MDGA2: variants seen among roughly 807,000 people sequenced by gnomAD.
MDGA2 encodes the protein MAM domain-containing glycosylphosphatidylinositol anchor protein 2.
Under a neutral mutation model 117.8 loss-of-function variants are expected in MDGA2, and 40 were observed. The observed-to-expected ratio is 0.34, with a 90% CI of 0.26 to 0.44. The LOEUF is 0.44. Among genes scored for constraint, MDGA2 ranks in the 20% least tolerant of loss-of-function variants. The pLI is 1.00. For missense variants in MDGA2, 1,123 were observed against 1,250.6 expected (o/e 0.90, Z 1.54); for synonymous variants, 452 against 439.0 (o/e 1.03, Z -0.37).
chr14:47,384,679 G>GT (rs1418862807), intron 1 of MDGA2, among the ~76,000 whole-genome samples: 1 of 152,066 alleles, frequency 6.6e-6, no homozygotes, highest in African/African-American at 2.4e-5. Flanking sequence ...GCTTGGGTGG[G>GT]TGCCACAGTA....
intron 14 of MDGA2, among the ~76,000 whole-genome samples, chr14:46,872,281 C>G (rs1882036547): frequency 6.6e-6 from 1 of 151,904 alleles, no homozygotes; most frequent in Non-Finnish European, 1.5e-5. Flanking sequence ...TATACTATCA[C>G]TTTATTAATT....
intron 2 of MDGA2, among the ~76,000 whole-genome samples, chr14:47,272,145 GGAAA>G (rs1169209886): frequency 6.6e-6 from 1 of 152,050 alleles, no homozygotes; most frequent in African/African-American, 2.4e-5. Context: ...GGAAGACGAG[GGAAA>G]GGAAACAACT....
chr14:47,102,751 G>A (rs1419981781), intron 5 of MDGA2, among the ~76,000 whole-genome samples: 1 of 152,250 alleles, frequency 6.6e-6, no homozygotes, highest in African/African-American at 2.4e-5. Context: ...CATTAATTGG[G>A]AATTATTCTC....
chr14:46,894,307 C>T (rs1882995928), intron 10 of MDGA2, among the ~76,000 whole-genome samples: 1 of 152,032 alleles, frequency 6.6e-6, no homozygotes, highest in Non-Finnish European at 1.5e-5. Flanking sequence ...CCAGGCTACT[C>T]TTGTAATCTT....
chr14:47,069,581 A>C (rs1332264048), intron 6 of MDGA2, among the ~76,000 whole-genome samples: 1 of 152,220 alleles, frequency 6.6e-6, no homozygotes, highest in Non-Finnish European at 1.5e-5. Flanking sequence ...TTCAAACAGC[A>C]GTTGTAAAGT....
intron 3 of MDGA2, among the ~76,000 whole-genome samples, chr14:47,170,958 T>A (rs1313516087): frequency 6.6e-6 from 1 of 152,132 alleles, no homozygotes; most frequent in Non-Finnish European, 1.5e-5. Flanking sequence ...TAGAGCATCT[T>A]CTCATATACT....
At chr14:46,904,567 T>C (rs1883418222) in intron 10 of MDGA2, among the ~76,000 whole-genome samples, 1 of 152,122 alleles carries the variant, frequency 6.6e-6, no homozygotes, top group Non-Finnish European at 1.5e-5. Context: ...AATCCAGCCG[T>C]GAGCAACCTA....
At chr14:47,543,608 C>T (rs28528316) in intron 1 of MDGA2, among the ~76,000 whole-genome samples, 4 of 152,158 alleles carry the variant, frequency 2.6e-5, no homozygotes. Flanking sequence ...GTTAATGACC[C>T]TTGTTCTTGC....
chr14:47,570,735 C>T (rs1896003541), intron 1 of MDGA2, among the ~76,000 whole-genome samples: 1 of 152,126 alleles, frequency 6.6e-6, no homozygotes, highest in African/African-American at 2.4e-5. Context: ...CCCTTCCTTA[C>T]ACCTTATACA....
chr14:47,115,979 G>A (rs533020392), intron 5 of MDGA2, among the ~76,000 whole-genome samples: 8 of 152,024 alleles, frequency 5.3e-5, no homozygotes, highest in South Asian at 2.1e-4. Flanking sequence ...AACTGAAAAG[G>A]AACGAGTGAA....
intron 8 of MDGA2, among the ~76,000 whole-genome samples, chr14:47,009,967 C>G (rs368841021): frequency 1.3e-5 from 2 of 152,036 alleles, no homozygotes; most frequent in Non-Finnish European, 2.9e-5. Flanking sequence ...CCCTTACCCC[C>G]CTTTCCCAAC....
At chr14:46,961,510 CTTCA>C (rs1885806517) in intron 8 of MDGA2, among the ~76,000 whole-genome samples, 1 of 152,106 alleles carries the variant, frequency 6.6e-6, no homozygotes, top group South Asian at 2.1e-4. Flanking sequence ...ATAACGTATA[CTTCA>C]TTTATTCTTT....
intron 1 of MDGA2, among the ~76,000 whole-genome samples, chr14:47,555,323 TGA>T (rs1895662741): frequency 6.6e-6 from 1 of 152,122 alleles, no homozygotes; most frequent in Non-Finnish European, 1.5e-5. Context: ...TTATAAGAAC[TGA>T]GAGTGTGTGG....
intron 8 of MDGA2, among the ~76,000 whole-genome samples, chr14:46,958,755 G>A (rs940167280): frequency 3.3e-5 from 5 of 152,176 alleles, no homozygotes; most frequent in Non-Finnish European, 7.3e-5. Flanking sequence ...TATGGGTAAT[G>A]TTTTATTTTC....
chr14:47,220,115 C>T (rs1886245027), intron 2 of MDGA2, among the ~76,000 whole-genome samples: 4 of 151,984 alleles, frequency 2.6e-5, no homozygotes, highest in Admixed American at 2.6e-4. Context: ...ATTTTTCCTC[C>T]CTTTTTATTC....
intron 1 of MDGA2, among the ~76,000 whole-genome samples, chr14:47,466,205 A>G (rs1893600601): frequency 6.6e-6 from 1 of 152,038 alleles, no homozygotes; most frequent in South Asian, 2.1e-4. Flanking sequence ...AGCAGAAAAT[A>G]TAACTATGGG....
intron 1 of MDGA2, among the ~76,000 whole-genome samples, chr14:47,637,402 A>G (rs1897343321): frequency 6.6e-6 from 1 of 152,234 alleles, no homozygotes; most frequent in Admixed American, 6.5e-5. Flanking sequence ...TTCCGCATAA[A>G]TATAAGAAAA....
downstream of MDGA2, among the ~76,000 whole-genome samples, chr14:46,839,729 T>G (rs554916149): frequency 2.6e-5 from 4 of 152,006 alleles, no homozygotes; most frequent in African/African-American, 9.7e-5. Context: ...TTAAGATGTC[T>G]AATTCATTCA....
In MDGA2 at chr14:47,167,586, G is replaced by A. The variant is rs575275762; in HGVS notation, c.596-23312C>T. 7.9e-5 allele frequency among the ~76,000 whole-genome samples: 12 copies of A among 152,196 alleles called. No homozygotes were observed. The South Asian group carries it at 2.5e-3, about 32-fold the overall frequency. Reference sequence around the variant, plus strand: ...CAGAAGGGAGGCAAGAATAGCAAAAGTGAAGGACTTCCAAGCATCAGGGAG... The same window carrying A: ...CAGAAGGGAGGCAAGAATAGCAAAAATGAAGGACTTCCAAGCATCAGGGAG... On this transcript the variant is annotated intron_variant, in intron 3 of 16. Coordinates refer to ENST00000399232, the MANE Select transcript of MDGA2 (RefSeq NM_001113498.3).
Sources: gnomAD v4.1 joint callset for allele counts (sites outside exome capture counted in the v4.1 genomes callset) on GRCh38, gnomAD v4.1.1 for gene constraint, MANE v1.5 for transcripts, NCBI Gene and HGNC (gene_info 2026-07-23, HGNC 2026-07-21) for gene names.